Variants in CEMIP2 observed in about 807,000 individuals in gnomAD.
CEMIP2 encodes the protein cell surface hyaluronidase CEMIP2.
A neutral mutation model predicts 146.9 loss-of-function variants in CEMIP2; 79 were observed. That is an observed-to-expected ratio of 0.54 (90% CI 0.45 to 0.65). The LOEUF (loss-of-function observed/expected upper bound fraction) is 0.65. Ranked by LOEUF, CEMIP2 falls within the 30% of genes least tolerant of loss-of-function variation. The pLI is 0.00. For missense variants in CEMIP2, 1,596 were observed against 1,696.2 expected, an observed-to-expected ratio of 0.94 and a Z score of 1.04; for synonymous variants, 601 against 606.3, an observed-to-expected ratio of 0.99 and a Z score of 0.13.
At chr9:71,760,493 G>A (rs1460013056) in intron 1 of CEMIP2, among the ~76,000 whole-genome samples, 2 of 144,948 alleles carry the variant, frequency 1.4e-5, no homozygotes, top group African/African-American at 4.9e-5. Flanking sequence ...GGAGGCAGCT[G>A]TCTAATTTTT....
chr9:71,693,226 A>C (rs1822285786), intron 21 of CEMIP2, among the ~76,000 whole-genome samples: 1 of 152,258 alleles, frequency 6.6e-6, no homozygotes, highest in Admixed American at 6.5e-5. Flanking sequence ...TAAAAAGACC[A>C]CATGAGATGG....
intron 2 of CEMIP2, among the ~76,000 whole-genome samples, chr9:71,748,700 A>C (rs1010745427): frequency 2.6e-5 from 4 of 152,184 alleles, no homozygotes; most frequent in East Asian, 1.9e-4. Flanking sequence ...CATGCAATGG[A>C]AATCAATGTT....
At position 71,685,591 on chromosome 9, in the gene CEMIP2, CCT is replaced by C. The variant is rs1275749350; in HGVS notation, c.3955+150_3955+151del. 3.6e-6 allele frequency: 3 copies of C among 833,746 alleles called. No individual in the cohort carries two copies. In the East Asian group the frequency reaches 8.0e-5, roughly 22 times the overall value. The allele number at this position is 833,746 out of a possible 1,614,324, so 51.6% of individuals were successfully genotyped here. A position where few individuals can be genotyped will look rare whatever the true frequency, so the allele number is the denominator to read the frequency against. On this transcript the variant is annotated intron_variant, in intron 23 of 23. Transcript: ENST00000377044. The stretch of plus-strand genomic sequence containing the variant: ...TAACAAACCACATCCCAACACACTT[CCT>C]CTCACATTGTGCCCTTATTTAGAAA...
Position 71,683,544 on chromosome 9 carries a change from AC to A in CEMIP2, c.*1652del, listed in dbSNP as rs1563987773. 40 of 58,230 alleles carry A rather than the reference AC, an allele frequency of 6.9e-4. 1 individual carries two copies. The highest frequency in any genetic ancestry group is 3.7e-3 in the African/African-American group (38 of 10,298). 3.6% of individuals were successfully genotyped at this position (58,230 alleles called of 1,614,324 possible). On this transcript the variant is annotated 3_prime_UTR_variant, in exon 24 of 24. Coordinates refer to ENST00000377044, the MANE Select transcript of CEMIP2 (RefSeq NM_013390.3). ...AACACACACACACACACACACACAC[AC>A]ACACACTCTAATGACCTTCAGGAAC...
intron 1 of CEMIP2, among the ~76,000 whole-genome samples, chr9:71,757,697 C>T (rs920167998): frequency 6.6e-6 from 1 of 152,162 alleles, no homozygotes; most frequent in African/African-American, 2.4e-5. Flanking sequence ...AGGAGAAGAA[C>T]ACAACAAAGA....
rs138181554 is a variant in CEMIP2 at position 71,750,116 on chromosome 9, A to G, written c.258T>C (p.Phe86=). 1 of 1,613,938 alleles carries G rather than the reference A, an allele frequency of 6.2e-7. No individual in the cohort carries two copies. Among genetic ancestry groups the G allele is most frequent in the Non-Finnish European group, 8.5e-7 (1 of 1,179,992 alleles). The change falls in exon 2 of 24, where the codon TTT becomes TTC. Residue 86 remains phenylalanine (F), a synonymous_variant. Transcript: ENST00000377044. The stretch of plus-strand genomic sequence containing the variant: ...TAAAAAATGAGAAACTAGTAATAGC[A>G]AAACAAATGAAAGTATTTTTGTGTC... ...QKRHKNTFIC[F]AITSFSFFIA...
In CEMIP2 at chr9:71,718,078, A is replaced by T. The variant is rs772416088; in HGVS notation, c.2269T>A (p.Phe757Ile). ...GGGTTTGCATCCTGATGAGGTCGAAATCTAGGGGTTAAAAAAAGAATTTTA... is the reference window on the plus strand; with the variant it reads ...GGGTTTGCATCCTGATGAGGTCGAATTCTAGGGGTTAAAAAAAGAATTTTA... The part of the protein sequence containing the change: ...EYLCLDNSAR[F>I]RPHQDANPEK... The change falls in exon 13 of 24, where the codon TTT becomes ATT. Residue 757 changes from phenylalanine (F) to isoleucine (I), a missense_variant and splice_region_variant. By Grantham distance (21) the Phe-to-Ile change is conservative. Transcript: ENST00000377044. 1.9e-6 allele frequency: 3 copies of T among 1,597,980 alleles called. No homozygotes were observed. The highest frequency in any genetic ancestry group is 2.6e-6 in the Non-Finnish European group (3 of 1,173,276).
Position 71,709,386 on chromosome 9 carries a change from A to G in CEMIP2, c.2858T>C (p.Ile953Thr), listed in dbSNP as rs375930111. The G allele has an allele frequency of 5.8e-5, 93 of 1,614,046 alleles. No individual in the cohort carries two copies. The East Asian group carries it at 6.7e-4, about 12-fold the overall frequency. Residue 953 changes from isoleucine to threonine, a missense_variant, in exon 17 of 24, where the codon ATT becomes ACT. By Grantham distance (89) the Ile-to-Thr change is moderately conservative. Coordinates refer to ENST00000377044, the MANE Select transcript of CEMIP2 (RefSeq NM_013390.3). Reference sequence around the variant, plus strand: ...CTTGTATCCTGTCACAGAGCCATCAATGTCATGGAATATGGAGTTCTTATC... The same window carrying G: ...CTTGTATCCTGTCACAGAGCCATCAGTGTCATGGAATATGGAGTTCTTATC... ...DGDKNSIFHD[I>T]DGSVTGYKDA...
rs1359497569 is a variant in CEMIP2, at chr9:71,739,471, GCTT to G, written c.1204+589_1204+591del. 3.4e-5 allele frequency among the ~76,000 whole-genome samples: 5 copies of G among 148,342 alleles called. No individual in the cohort carries two copies. In the East Asian group the frequency reaches 6.0e-4, roughly 18 times the overall value. On this transcript the variant is annotated intron_variant, in intron 5 of 23. Transcript: ENST00000377044. The stretch of plus-strand genomic sequence containing the variant: ...CAGGACAAAATTCCTGCTAAGAAAC[GCTT>G]CTTATCTACCACCTATGCTTTTTGG...
At chr9:71,752,485 AGG>A (rs1564026028) in intron 1 of CEMIP2, among the ~76,000 whole-genome samples, 1 of 88,358 alleles carries the variant, frequency 1.1e-5, no homozygotes, top group Non-Finnish European at 2.4e-5. Context: ...AGGAAGGGGG[AGG>A]GAAGGAGGGA....
At chr9:71,741,509 C>T (rs559820301) in intron 4 of CEMIP2, among the ~76,000 whole-genome samples, 6 of 151,546 alleles carry the variant, frequency 4.0e-5, no homozygotes, top group Non-Finnish European at 7.4e-5. Flanking sequence ...GATTTCTTAA[C>T]GTTCCTAAAT....
At chr9:71,762,522 A>AAAAAAAAAAAAC (rs1554690022) in intron 1 of CEMIP2, among the ~76,000 whole-genome samples, 1 of 151,152 alleles carries the variant, frequency 6.6e-6, no homozygotes, top group African/African-American at 2.4e-5. Context: ...AAAAAAAAAA[A>AAAAAAAAAAAAC]AAAACTGGCT....
rs138339130 is a variant in CEMIP2 at position 71,704,608 on chromosome 9, C to T, written c.3181G>A (p.Val1061Ile). The T allele has an allele frequency of 1.7e-5, 28 of 1,613,932 alleles. 1 individual carries two copies. The highest frequency in any genetic ancestry group is 1.6e-4 in the Middle Eastern group (1 of 6,082). ...PAPRTTFLYL[V>I]NFNKNDWIRV... ...ACAGAAACATACTTGTTGAAGTTGA[C>T]GAGGTATAGAAATGTAGTCCGTGGT... Residue 1061 changes from valine to isoleucine, a missense_variant, in exon 18 of 24, where the codon GTC becomes ATC. Physicochemically the swap from Val to Ile is conservative, Grantham distance 29. Transcript: ENST00000377044.
intron 21 of CEMIP2, among the ~76,000 whole-genome samples, chr9:71,692,243 T>A (rs1822250754): frequency 6.6e-6 from 1 of 151,234 alleles, no homozygotes; most frequent in Non-Finnish European, 1.5e-5. Flanking sequence ...GCACCCAGTG[T>A]GTAACAACAG....
chr9:71,749,382 A>G lies in CEMIP2; in HGVS notation c.331+661T>C, dbSNP rs114233190. Among the ~76,000 whole-genome samples the G allele has an allele frequency of 3.1e-3, 472 of 152,128 alleles. 3 individuals are homozygous for G. Among genetic ancestry groups the G allele is most frequent in the African/African-American group, 0.011 (458 of 41,516 alleles). Reference sequence around the variant, plus strand: ...TCACTTACTTAAACAAAAAAATCTAATATAGTTCACTATACGTATGACTAA... The same window carrying G: ...TCACTTACTTAAACAAAAAAATCTAGTATAGTTCACTATACGTATGACTAA... On this transcript the variant is annotated intron_variant, in intron 2 of 23. Coordinates refer to ENST00000377044, the MANE Select transcript of CEMIP2 (RefSeq NM_013390.3).
chr9:71,704,891 A>G (rs569880205), intron 17 of CEMIP2, 88 bp from the exon 18 acceptor site: 71 of 1,291,868 alleles, frequency 5.5e-5, no homozygotes, highest in Non-Finnish European at 6.2e-5. Flanking sequence ...AAGTGTCTCA[A>G]CTTTGAAAAG....
chr9:71,765,282 AT>A (rs1174315906), intron 1 of CEMIP2, among the ~76,000 whole-genome samples: 1 of 152,226 alleles, frequency 6.6e-6, no homozygotes, highest in East Asian at 1.9e-4. Flanking sequence ...ATTTATATCT[AT>A]TTATAGCTTT....
At chr9:71,685,870 A>G (rs766457131) in intron 22 of CEMIP2, 24 bp from the exon 23 acceptor site, 3 of 1,562,402 alleles carry the variant, frequency 1.9e-6, no homozygotes, top group Non-Finnish European at 2.6e-6. Context: ...TTAGAAAGTC[A>G]GAGCCAATTT....
intron 14 of CEMIP2, among the ~76,000 whole-genome samples, chr9:71,715,623 A>AATATATATATATATAT (rs1564005835): frequency 1.7e-4 from 7 of 40,070 alleles, no homozygotes; most frequent in South Asian, 7.1e-4. Context: ...TATCCCTCTT[A>AATATATATATATATAT]AGATATATAT....
Sources: allele counts gnomAD v4.1 joint callset (sites outside exome capture counted in the v4.1 genomes callset), GRCh38; gene constraint gnomAD v4.1.1; transcripts MANE v1.5; gene names NCBI Gene and HGNC (gene_info 2026-07-23, HGNC 2026-07-21).